Variants in RUNX1 observed in about 807,000 individuals in gnomAD.
RUNX1 encodes the protein RUNX family transcription factor 1.
RUNX1 carries 19 observed loss-of-function variants against 42.8 expected under a neutral mutation model. The observed-to-expected ratio is 0.44, with a 90% CI of 0.31 to 0.65. The LOEUF (loss-of-function observed/expected upper bound fraction) is 0.65. Among genes scored for constraint, RUNX1 ranks in the 30% least tolerant of loss-of-function variants. The pLI is 0.07. For missense variants in RUNX1, 528 were observed against 672.0 expected (o/e 0.79, Z 2.37); for synonymous variants, 271 against 289.4 (o/e 0.94, Z 0.64).
chr21:35,041,407 C>A (rs550771103), intron 2 of RUNX1, among the ~76,000 whole-genome samples: 1 of 152,190 alleles, frequency 6.6e-6, no homozygotes, highest in Non-Finnish European at 1.5e-5. Flanking sequence ...TTGTGATGAC[C>A]TTTCCCATTT....
At chr21:34,963,850 G>A (rs550446497) in intron 2 of RUNX1, among the ~76,000 whole-genome samples, 9 of 152,330 alleles carry the variant, frequency 5.9e-5, no homozygotes, top group African/African-American at 1.9e-4. Flanking sequence ...GAGACCCACT[G>A]GGCCTGACTG....
At chr21:34,861,088 A>G (rs1171582678) in intron 5 of RUNX1, among the ~76,000 whole-genome samples, 3 of 151,840 alleles carry the variant, frequency 2.0e-5, no homozygotes, top group Non-Finnish European at 4.4e-5. Context: ...ATGCCAGGAG[A>G]CTCTGCCTCC....
At chr21:34,818,180 C>G (rs2056857044) in intron 7 of RUNX1, among the ~76,000 whole-genome samples, 1 of 152,214 alleles carries the variant, frequency 6.6e-6, no homozygotes, top group Non-Finnish European at 1.5e-5. Flanking sequence ...GGCTGCGCCC[C>G]TGCCTATTCA....
At chr21:34,834,663 G>GA in intron 6 of RUNX1, 62 bp from the exon 7 acceptor site, 1 of 1,418,822 alleles carries the variant, frequency 7.0e-7, no homozygotes. Flanking sequence ...GAAGAGATCA[G>GA]AAAAAGTATT....
intron 5 of RUNX1, 98 bp from the exon 6 acceptor site, chr21:34,859,676 G>T (rs2057544184): frequency 9.6e-6 from 10 of 1,041,488 alleles, no homozygotes; most frequent in Non-Finnish European, 1.5e-5. Flanking sequence ...CAGCCCTTCA[G>T]CACAAGTTAC....
intron 7 of RUNX1, among the ~76,000 whole-genome samples, chr21:34,802,381 C>G (rs1361644731): frequency 6.6e-6 from 1 of 152,206 alleles, no homozygotes; most frequent in African/African-American, 2.4e-5. Flanking sequence ...GTCCCTGCCC[C>G]ACAGGCACTT....
intron 7 of RUNX1, among the ~76,000 whole-genome samples, chr21:34,831,559 C>T (rs2057064537): frequency 6.6e-6 from 1 of 152,176 alleles, no homozygotes; most frequent in East Asian, 1.9e-4. Flanking sequence ...GCTCGCCAAA[C>T]CCCCGGTTAC....
chr21:35,033,469 T>C (rs1159547951), intron 2 of RUNX1, among the ~76,000 whole-genome samples: 1 of 152,218 alleles, frequency 6.6e-6, no homozygotes, highest in Non-Finnish European at 1.5e-5. Context: ...CATCCATGTC[T>C]GTGATGGGGA....
At chr21:34,794,548 T>A (rs2056498175) in intron 8 of RUNX1, among the ~76,000 whole-genome samples, 1 of 152,242 alleles carries the variant, frequency 6.6e-6, no homozygotes, top group Non-Finnish European at 1.5e-5. Flanking sequence ...TAAAGCTTTG[T>A]CTCTAAAACT....
At chr21:34,985,449 G>T (rs1163414782) in intron 2 of RUNX1, among the ~76,000 whole-genome samples, 1 of 152,222 alleles carries the variant, frequency 6.6e-6, no homozygotes, top group African/African-American at 2.4e-5. Context: ...AATAGGCAGG[G>T]AAGGAGTAGA....
intron 2 of RUNX1, among the ~76,000 whole-genome samples, chr21:34,966,334 C>T (rs1025295190): frequency 6.6e-6 from 1 of 152,200 alleles, no homozygotes; most frequent in African/African-American, 2.4e-5. Flanking sequence ...CCTCACGCCA[C>T]TTTAAGTGCA....
At chr21:34,864,091 C>A (rs1020434912) in intron 5 of RUNX1, among the ~76,000 whole-genome samples, 1 of 152,212 alleles carries the variant, frequency 6.6e-6, no homozygotes, top group Non-Finnish European at 1.5e-5. Context: ...CAGTCAGCAA[C>A]GGGCGCACCT....
intron 2 of RUNX1, among the ~76,000 whole-genome samples, chr21:34,915,973 CA>C (rs2058309041): frequency 6.6e-6 from 1 of 152,144 alleles, no homozygotes; most frequent in African/African-American, 2.4e-5. Flanking sequence ...GAGATCCAAG[CA>C]GATTCAGTAA....
At chr21:34,888,883 T>C (rs530191680) in intron 3 of RUNX1, among the ~76,000 whole-genome samples, 1 of 151,522 alleles carries the variant, frequency 6.6e-6, no homozygotes, top group East Asian at 2.0e-4. Context: ...CGCGCTACTG[T>C]ACGCAGCCCG....
chr21:34,952,559 A>G (rs2058616541), intron 2 of RUNX1, among the ~76,000 whole-genome samples: 1 of 151,994 alleles, frequency 6.6e-6, no homozygotes, highest in Non-Finnish European at 1.5e-5. Flanking sequence ...TGAAGGAGTG[A>G]ATTTATATTT....
intron 2 of RUNX1, among the ~76,000 whole-genome samples, chr21:34,894,880 AACACACACACACACACACACACACACAC>A (rs57230115): frequency 3.1e-5 from 4 of 127,870 alleles, no homozygotes; most frequent in South Asian, 2.8e-4. Context: ...CCTACATAGA[AACACACACACACACACACACACACACAC>A]ACACACACAC....
chr21:34,823,126 G>A (rs1022649340), intron 7 of RUNX1, among the ~76,000 whole-genome samples: 2 of 152,226 alleles, frequency 1.3e-5, no homozygotes, highest in African/African-American at 4.8e-5. Context: ...ACAGGGCTGG[G>A]AGACTTAACC....
At chr21:34,919,132 G>A (rs561800939) in intron 2 of RUNX1, among the ~76,000 whole-genome samples, 1 of 152,298 alleles carries the variant, frequency 6.6e-6, no homozygotes, top group Non-Finnish European at 1.5e-5. Context: ...GCACACAGTT[G>A]TTGATTAACT....
intron 5 of RUNX1, among the ~76,000 whole-genome samples, chr21:34,870,925 TC>T (rs1245171833): frequency 6.6e-6 from 1 of 152,040 alleles, no homozygotes; most frequent in Non-Finnish European, 1.5e-5. Flanking sequence ...GACACTGCAT[TC>T]CAGCCTGGTG....
Sources: gnomAD v4.1 joint callset for allele counts (sites outside exome capture counted in the v4.1 genomes callset) on GRCh38, gnomAD v4.1.1 for gene constraint, MANE v1.5 for transcripts, NCBI Gene and HGNC (gene_info 2026-07-23, HGNC 2026-07-21) for gene names.